ACVR1: variants seen among roughly 807,000 people sequenced by gnomAD.
The protein encoded by ACVR1 is activin A receptor type 1.
In ACVR1, 38 loss-of-function variants were observed where a neutral mutation model predicts 57.1. That is an observed-to-expected ratio of 0.67 (90% CI 0.51 to 0.87). ACVR1 has a LOEUF of 0.87. Ranked by LOEUF, ACVR1 falls within the 40% of genes least tolerant of loss-of-function variation. The pLI is 0.00. For missense variants in ACVR1, 463 were observed against 638.2 expected (o/e 0.73, Z 2.96); for synonymous variants, 212 against 228.1 (o/e 0.93, Z 0.63).
intron 9 of ACVR1, among the ~76,000 whole-genome samples, chr2:157,739,712 G>T (rs1684679289): frequency 6.6e-6 from 1 of 152,140 alleles, no homozygotes; most frequent in Non-Finnish European, 1.5e-5. Flanking sequence ...ATTTATCACA[G>T]AAATTACTCA....
At chr2:157,844,551 A>C (rs1218893861) in intron 1 of ACVR1, among the ~76,000 whole-genome samples, 6 of 152,238 alleles carry the variant, frequency 3.9e-5, no homozygotes, top group Admixed American at 3.9e-4. Context: ...TTTCAAGTTA[A>C]AATTCTGATA....
intron 1 of ACVR1, among the ~76,000 whole-genome samples, chr2:157,858,926 C>T (rs1203683716): frequency 6.6e-6 from 1 of 152,206 alleles, no homozygotes; most frequent in Non-Finnish European, 1.5e-5. Context: ...ATCTGTTTTT[C>T]TTCCGACAAC....
chr2:157,817,701 T>C (rs1434038185), intron 2 of ACVR1, among the ~76,000 whole-genome samples: 1 of 152,014 alleles, frequency 6.6e-6, no homozygotes, highest in Non-Finnish European at 1.5e-5. Context: ...TAAGGTCTAT[T>C]TTAAAAGAAA....
At chr2:157,837,293 C>G (rs138116739) in intron 1 of ACVR1, among the ~76,000 whole-genome samples, 5 of 152,252 alleles carry the variant, frequency 3.3e-5, no homozygotes, top group African/African-American at 1.2e-4. Context: ...CTTTGGAGAT[C>G]GAAGGATTTA....
chr2:157,795,814 TTCTC>T (rs1687092986), intron 3 of ACVR1, among the ~76,000 whole-genome samples: 1 of 152,074 alleles, frequency 6.6e-6, no homozygotes, highest in African/African-American at 2.4e-5. Context: ...CTTTTCCCCA[TTCTC>T]TCTCTACCTC....
At position 157,863,349 on chromosome 2, in the gene ACVR1, T is replaced by C. The variant is rs1414686644; in HGVS notation, c.-183+12447A>G. On this transcript the variant is annotated intron_variant, in intron 1 of 10. Transcript: ENST00000434821. Reference sequence around the variant, plus strand: ...TAAATTGTTTCTCTTTTTTTTTTTTTTTTTTTTTTTTTTTTTTTGCTACTC... The same window carrying C: ...TAAATTGTTTCTCTTTTTTTTTTTTCTTTTTTTTTTTTTTTTTTGCTACTC... Among the ~76,000 whole-genome samples, 66 of 116,138 alleles carry C rather than the reference T, an allele frequency of 5.7e-4. 2 individuals carry two copies. Among genetic ancestry groups the C allele is most frequent in the African/African-American group, 1.9e-3 (60 of 32,016 alleles). 76.2% of individuals were successfully genotyped at this position (116,138 alleles called of 152,430 possible). A position where few individuals can be genotyped will look rare whatever the true frequency, so the allele number is the denominator to read the frequency against.
intron 3 of ACVR1, among the ~76,000 whole-genome samples, chr2:157,786,908 C>A (rs13405394): frequency 0.017 from 2,597 of 152,138 alleles, 75 homozygotes; most frequent in African/African-American, 0.058. Context: ...TTATCCCTAT[C>A]GGTGAAATAA....
intron 1 of ACVR1, among the ~76,000 whole-genome samples, chr2:157,855,471 TG>T (rs1689500031): frequency 6.6e-6 from 1 of 151,866 alleles, no homozygotes; most frequent in Non-Finnish European, 1.5e-5. Context: ...TACTCCAGAC[TG>T]GGCAACAGTC....
chr2:157,791,673 C>G (rs983357823), intron 3 of ACVR1, among the ~76,000 whole-genome samples: 11 of 152,178 alleles, frequency 7.2e-5, no homozygotes, highest in African/African-American at 2.4e-4. Flanking sequence ...CATAGTGAAA[C>G]AGAGGATGAC....
At chr2:157,872,350 C>T (rs1690139536) in intron 1 of ACVR1, among the ~76,000 whole-genome samples, 1 of 152,210 alleles carries the variant, frequency 6.6e-6, no homozygotes, top group South Asian at 2.1e-4. Flanking sequence ...AATGGTCACA[C>T]CTTACTACTG....
intron 1 of ACVR1, among the ~76,000 whole-genome samples, chr2:157,862,146 T>C (rs1290850162): frequency 6.6e-6 from 1 of 152,214 alleles, no homozygotes; most frequent in Non-Finnish European, 1.5e-5. Context: ...TGCTAAACTT[T>C]AGGATTATTT....
chr2:157,830,833 C>G (rs1225882617), intron 1 of ACVR1, among the ~76,000 whole-genome samples: 1 of 152,024 alleles, frequency 6.6e-6, no homozygotes, highest in Non-Finnish European at 1.5e-5. Flanking sequence ...TAAGCTCTCA[C>G]TGGCTGGCCT....
At chr2:157,739,735 C>T (rs978706349) in intron 9 of ACVR1, among the ~76,000 whole-genome samples, 2 of 152,108 alleles carry the variant, frequency 1.3e-5, no homozygotes, top group African/African-American at 4.8e-5. Flanking sequence ...AGTGGGAATC[C>T]ATCCTTACAA....
intron 1 of ACVR1, chr2:157,826,700 GGAAAGGAAAGGAAAGGAAAGGAAAGGA>G (rs1688369065): frequency 3.2e-3 from 1 of 310 alleles, no homozygotes; most frequent in Middle Eastern, 0.5. Flanking sequence ...AGAGAGAGAA[GGAAAGGAAAGGAAAGGAAAGGAAAGGA>G]AAGGAAAGGA....
chr2:157,831,160 TCA>T (rs1688568817), intron 1 of ACVR1, among the ~76,000 whole-genome samples: 1 of 152,270 alleles, frequency 6.6e-6, no homozygotes, highest in South Asian at 2.1e-4. Context: ...ACTGTTTATA[TCA>T]CACTGGGAAG....
intron 4 of ACVR1, among the ~76,000 whole-genome samples, chr2:157,780,125 G>A (rs1686446667): frequency 6.6e-6 from 1 of 152,208 alleles, no homozygotes; most frequent in East Asian, 1.9e-4. Flanking sequence ...ACATCACCTT[G>A]CTTACATTCC....
intron 3 of ACVR1, among the ~76,000 whole-genome samples, chr2:157,798,615 C>T (rs1343029038): frequency 1.3e-5 from 2 of 151,952 alleles, no homozygotes; most frequent in African/African-American, 2.4e-5. Flanking sequence ...GCAACCTCCG[C>T]CTCCCAGGTT....
At chr2:157,838,088 T>C (rs990463120) in intron 1 of ACVR1, among the ~76,000 whole-genome samples, 30 of 150,846 alleles carry the variant, frequency 2.0e-4, no homozygotes, top group Non-Finnish European at 3.5e-4. Flanking sequence ...AGAAAGCTTT[T>C]CCCCCCCTCC....
At chr2:157,775,486 C>T (rs1021716140) in intron 5 of ACVR1, among the ~76,000 whole-genome samples, 2 of 152,174 alleles carry the variant, frequency 1.3e-5, no homozygotes, top group Admixed American at 1.3e-4. Flanking sequence ...CCTACTAAAG[C>T]AATACATTGA....
Sources: gnomAD v4.1 joint callset for allele counts (sites outside exome capture counted in the v4.1 genomes callset) on GRCh38, gnomAD v4.1.1 for gene constraint, MANE v1.5 for transcripts, NCBI Gene and HGNC (gene_info 2026-07-23, HGNC 2026-07-21) for gene names.